The following DENND2A variants were observed in gnomAD, a reference collection of about 807,000 sequenced individuals.
DENND2A encodes the protein DENN domain containing 2A.
A neutral mutation model predicts 105.3 loss-of-function variants in DENND2A; 53 were observed. The observed-to-expected ratio is 0.50, with a 90% confidence interval of 0.40 to 0.63. DENND2A has a LOEUF of 0.63. DENND2A is among the 30% of genes least tolerant of loss of function. The pLI is 0.00. For synonymous variants in DENND2A, 522 were observed against 508.4 expected (o/e 1.03, Z -0.36); for missense variants, 1,138 against 1,279.6 (o/e 0.89, Z 1.69).
At chr7:140,518,932 AG>A (rs949126697) in intron 19 of DENND2A, among the ~76,000 whole-genome samples, 194 bp from the exon 20 acceptor site, 1 of 152,050 alleles carries the variant, frequency 6.6e-6, no homozygotes, top group Non-Finnish European at 1.5e-5. Flanking sequence ...CTCAGACTTG[AG>A]GGGGTTTGAA....
rs1314874838 is a variant in DENND2A at position 140,640,133 on chromosome 7, A to G, written c.-248+371T>C. 6.6e-6 allele frequency: 1 copy of G among 152,592 alleles called. No homozygotes were observed. The highest frequency in any genetic ancestry group is 1.5e-5 in the Non-Finnish European group (1 of 68,616). 9.5% of individuals were successfully genotyped at this position (152,592 alleles called of 1,614,324 possible). ...CACACACACTCGCACAGACACACTC[A>G]CACACAGACACACAAGCGCGCACAC... On this transcript the variant is annotated intron_variant, in intron 1 of 19. Transcript: ENST00000496613. This position sits in a 1 kb window ranked among gnomAD's most constrained non-coding sequence, Gnocchi z 4.9.
chr7:140,623,699 G>A (rs1585778036), intron 1 of DENND2A, among the ~76,000 whole-genome samples: 1 of 145,148 alleles, frequency 6.9e-6, no homozygotes, highest in Admixed American at 7.0e-5. Context: ...CAGCCTGGGT[G>A]ACAGAGCAAG....
chr7:140,626,655 T>C lies in DENND2A; in HGVS notation c.-248+13849A>G, dbSNP rs558176024. 3.3e-5 allele frequency among the ~76,000 whole-genome samples: 5 copies of C among 152,268 alleles called. No individual in the cohort carries two copies. The East Asian group carries it at 9.6e-4, about 29-fold the overall frequency. ...CTTGCCTTCCTGTCCTCCTCTTCCT[T>C]TCCTCCCCTCAGACTCTTCCCACCC... is the stretch of plus-strand genomic sequence containing the variant. On this transcript the variant is annotated intron_variant, in intron 1 of 19. Transcript: ENST00000496613.
At chr7:140,528,025 G>C (rs1796127536) in intron 14 of DENND2A, among the ~76,000 whole-genome samples, 1 of 151,910 alleles carries the variant, frequency 6.6e-6, no homozygotes, top group African/African-American at 2.4e-5. Context: ...ATTTTTAGTA[G>C]CGATGGGGTT....
chr7:140,568,499 C>A (rs867059317), intron 8 of DENND2A, among the ~76,000 whole-genome samples: 6 of 152,206 alleles, frequency 3.9e-5, no homozygotes, highest in African/African-American at 1.4e-4. Flanking sequence ...GGAAAACCCT[C>A]AGGACATAGG....
At chr7:140,610,425 A>G (rs1359309343) in intron 1 of DENND2A, among the ~76,000 whole-genome samples, 1 of 151,998 alleles carries the variant, frequency 6.6e-6, no homozygotes, top group Non-Finnish European at 1.5e-5. Flanking sequence ...AATTACCCTT[A>G]ATTTTGAGAG....
intron 5 of DENND2A, among the ~76,000 whole-genome samples, chr7:140,579,853 C>A (rs1563155445): frequency 6.6e-6 from 1 of 152,086 alleles, no homozygotes; most frequent in Non-Finnish European, 1.5e-5. Flanking sequence ...CAATCTGGGC[C>A]AGGCGAGGTG....
At chr7:140,600,918 T>A (rs766195971) in intron 3 of DENND2A, among the ~76,000 whole-genome samples, 3 of 152,226 alleles carry the variant, frequency 2.0e-5, no homozygotes, top group Admixed American at 1.3e-4. Flanking sequence ...TATAAAATAT[T>A]CACAGTGCGT....
Position 140,640,764 on chromosome 7 carries a change from G to C in DENND2A, c.-508C>G, listed in dbSNP as rs1214159587. 1 of 149,044 alleles carries C rather than the reference G, an allele frequency of 6.7e-6. No individual in the cohort carries two copies. The highest frequency in any genetic ancestry group is 1.5e-5 in the Non-Finnish European group (1 of 67,220). 9.2% of individuals were successfully genotyped at this position (149,044 alleles called of 1,614,324 possible). A position where few individuals can be genotyped will look rare whatever the true frequency, so the allele number is the denominator to read the frequency against. On this transcript the variant is annotated 5_prime_UTR_variant, in exon 1 of 20. Coordinates refer to ENST00000496613, the MANE Select transcript of DENND2A (RefSeq NM_015689.5). The surrounding 1 kb of genome is among the most constrained non-coding windows in gnomAD (Gnocchi z 4.9). ...GCTTCCCTCGGCCGGCCCAGCGCAG[G>C]CTCGCCCGCGGCCCCTGCCTCCTCC... is the stretch of plus-strand genomic sequence containing the variant.
intron 2 of DENND2A, among the ~76,000 whole-genome samples, chr7:140,604,849 G>T (rs563134604): frequency 6.6e-6 from 1 of 152,286 alleles, no homozygotes; most frequent in African/African-American, 2.4e-5. Flanking sequence ...GTGCATAGCA[G>T]CTAGTCAACA....
At chr7:140,595,224 C>T (rs556113749) in intron 3 of DENND2A, among the ~76,000 whole-genome samples, 39 of 151,828 alleles carry the variant, frequency 2.6e-4, no homozygotes, top group Non-Finnish European at 5.3e-4. Context: ...CCAGGCTGGT[C>T]TCAAACTCCT....
At chr7:140,585,220 A>G (rs1216909312) in intron 5 of DENND2A, among the ~76,000 whole-genome samples, 1 of 152,072 alleles carries the variant, frequency 6.6e-6, no homozygotes, top group Non-Finnish European at 1.5e-5. Flanking sequence ...AACAACAACA[A>G]CCCACAAATG....
intron 16 of DENND2A, among the ~76,000 whole-genome samples, chr7:140,525,178 G>A (rs1168264745): frequency 1.1e-4 from 15 of 134,066 alleles, no homozygotes; most frequent in Non-Finnish European, 3.1e-5. Flanking sequence ...TTTTGGAGAT[G>A]GGATCTCACT....
chr7:140,639,148 T>A (rs1439530924), intron 1 of DENND2A, among the ~76,000 whole-genome samples: 1 of 151,634 alleles, frequency 6.6e-6, no homozygotes, highest in African/African-American at 2.4e-5. Context: ...GGTCAGCAGT[T>A]CAAGACCAGC....
At chr7:140,600,472 A>G (rs1037338386) in intron 3 of DENND2A, among the ~76,000 whole-genome samples, 1 of 152,316 alleles carries the variant, frequency 6.6e-6, no homozygotes, top group South Asian at 2.1e-4. Flanking sequence ...CAAAGGAGCC[A>G]GAGAAGCAGG....
chr7:140,548,480 C>T (rs114332362), intron 12 of DENND2A, among the ~76,000 whole-genome samples: 37 of 151,912 alleles, frequency 2.4e-4, no homozygotes, highest in African/African-American at 8.9e-4. Context: ...TATGATCATG[C>T]CACCACACTC....
At chr7:140,622,472 C>T (rs1264528126) in intron 1 of DENND2A, among the ~76,000 whole-genome samples, 2 of 152,084 alleles carry the variant, frequency 1.3e-5, no homozygotes, top group African/African-American at 2.4e-5. Context: ...AATTTATATA[C>T]TCTTTATCCA....
Position 140,551,019 on chromosome 7 carries a change from G to A in DENND2A, c.2038-4080C>T, listed in dbSNP as rs540320043. On this transcript the variant is annotated intron_variant, in intron 12 of 19. Coordinates refer to ENST00000496613, the MANE Select transcript of DENND2A (RefSeq NM_015689.5). ...GGACAGTAATGAAAAAAAAGCTTGT[G>A]GCCGGGCACAGTGGCTCATGCCTGT... Among the ~76,000 whole-genome samples the A allele has an allele frequency of 2.9e-4, 44 of 152,002 alleles. No individual in the cohort carries two copies. The South Asian group carries it at 9.0e-3, about 31-fold the overall frequency.
Position 140,562,759 on chromosome 7 carries a change from A to G in DENND2A, c.1780-2942T>C, listed in dbSNP as rs536412275. On this transcript the variant is annotated intron_variant, in intron 9 of 19. Transcript: ENST00000496613. ...TTAATTGAAGCCATGGGGTGCCACT[A>G]ATACTAGTGGTTAAGACAGCAATCA... 1.1e-4 allele frequency among the ~76,000 whole-genome samples: 17 copies of G among 152,322 alleles called. No homozygotes were observed. The South Asian group carries it at 3.5e-3, about 32-fold the overall frequency.
Sources: allele counts gnomAD v4.1 joint callset (sites outside exome capture counted in the v4.1 genomes callset), GRCh38; gene constraint gnomAD v4.1.1; non-coding constraint Gnocchi (gnomAD v3.1); transcripts MANE v1.5; gene names NCBI Gene and HGNC (gene_info 2026-07-23, HGNC 2026-07-21).